Variants in C20orf202 observed in about 807,000 individuals in gnomAD.
C20orf202 encodes uncharacterized protein C20orf202.
C20orf202 carries 5 observed loss-of-function variants against 5.3 expected under a neutral mutation model. The ratio of observed to expected loss-of-function variants is 0.94; its 90% confidence interval spans 0.49 to 1.98. C20orf202 has a LOEUF of 1.98. Among genes scored for constraint, C20orf202 ranks in the 30% most tolerant of loss-of-function variants. C20orf202 has a pLI of 0.01. For synonymous variants in C20orf202, 48 were observed against 50.0 expected, an observed-to-expected ratio of 0.96 and a Z score of 0.16; for missense variants, 135 against 123.5, an observed-to-expected ratio of 1.09 and a Z score of -0.44.
chr20:1,203,535 C>G lies in C20orf202; in HGVS notation c.-51C>G. 2 of 1,549,452 alleles carry G rather than the reference C, an allele frequency of 1.3e-6. No homozygotes were observed. Among genetic ancestry groups the G allele is most frequent in the East Asian group, 4.9e-5 (2 of 40,844 alleles). ...TGGGGGAATGTACAAGTCAAAGATC[C>G]CTCGGGCCCAGAACCAGGTCAGTGT... On this transcript the variant is annotated 5_prime_UTR_variant, in exon 1 of 2. Transcript: ENST00000400633.
At chr20:1,206,135 A>G (rs1161470536) in intron 1 of C20orf202, among the ~76,000 whole-genome samples, 1 of 152,174 alleles carries the variant, frequency 6.6e-6, no homozygotes, top group Non-Finnish European at 1.5e-5. Context: ...AATGGGAGAA[A>G]GAATGGAGAT....
chr20:1,208,945 C>A lies in C20orf202; in HGVS notation c.*1843C>A, dbSNP rs1374159080. On this transcript the variant is annotated 3_prime_UTR_variant, in exon 2 of 2. Transcript: ENST00000400633. ...ATAGTTTCTGCCTCTTTTCTTTGTT[C>A]CCTCAGCCCTGGAGATGGCAGATGC... 6.6e-6 allele frequency among the ~76,000 whole-genome samples: 1 copy of A among 152,214 alleles called. No individual in the cohort carries two copies. The highest frequency in any genetic ancestry group is 1.5e-5 in the Non-Finnish European group (1 of 68,036).
intron 1 of C20orf202, among the ~76,000 whole-genome samples, chr20:1,205,945 C>T (rs146265087): frequency 6.6e-6 from 1 of 151,940 alleles, no homozygotes; most frequent in Non-Finnish European, 1.5e-5. Context: ...CCCAGCTACT[C>T]GGGAGGCTGA....
rs2087136114 is a variant in C20orf202 at position 1,207,155 on chromosome 20, C to T, written c.*53C>T. On this transcript the variant is annotated 3_prime_UTR_variant, in exon 2 of 2. Coordinates refer to ENST00000400633, the MANE Select transcript of C20orf202 (RefSeq NM_001394958.1). ...CACTCTCCCCATTAGTCTAACCTTT[C>T]ACTGTGATATTTCAGGGGCAGAGTG... is the stretch of plus-strand genomic sequence containing the variant. 1.5e-5 allele frequency: 18 copies of T among 1,230,088 alleles called. No homozygotes were observed. The highest frequency in any genetic ancestry group is 1.9e-5 in the Non-Finnish European group (17 of 912,968). 76.2% of individuals were successfully genotyped at this position (1,230,088 alleles called of 1,614,324 possible). A position where few individuals can be genotyped will look rare whatever the true frequency, so the allele number is the denominator to read the frequency against.
rs536475686 is a variant in C20orf202 at position 1,203,502 on chromosome 20, G to C, written c.-84G>C. The stretch of plus-strand genomic sequence containing the variant: ...TTTGGCCAGAACCTGCTGCCAGTCT[G>C]AAAGAGTTGGGGGAATGTACAAGTC... On this transcript the variant is annotated 5_prime_UTR_variant, in exon 1 of 2. Transcript: ENST00000400633. 1.6e-5 allele frequency: 24 copies of C among 1,535,512 alleles called. No homozygotes were observed. The Admixed American group carries it at 3.1e-4, about 20-fold the overall frequency.
At position 1,208,638 on chromosome 20, in the gene C20orf202, T is replaced by G. The variant is rs1016072024; in HGVS notation, c.*1536T>G. On this transcript the variant is annotated 3_prime_UTR_variant, in exon 2 of 2. Coordinates refer to ENST00000400633, the MANE Select transcript of C20orf202 (RefSeq NM_001394958.1). ...TGTTTCCCTGTGGGCTTCCTGTTCC[T>G]ATGAGCATCTCCCAGCAATGTTTCT... Among the ~76,000 whole-genome samples the G allele has an allele frequency of 6.6e-6, 1 of 152,224 alleles. No homozygotes were observed.
In C20orf202 at chr20:1,207,810, AG is replaced by A. The variant is rs778124147; in HGVS notation, c.*710del. On this transcript the variant is annotated 3_prime_UTR_variant, in exon 2 of 2. Coordinates refer to ENST00000400633, the MANE Select transcript of C20orf202 (RefSeq NM_001394958.1). ...GACCTGTCTGCAGTAGGAAGGAAAG[AG>A]GCTAATCTCCAAAGAGAAGTAGAGA... is the stretch of plus-strand genomic sequence containing the variant. 2.6e-5 allele frequency: 4 copies of A among 152,276 alleles called. No homozygotes were observed. Among genetic ancestry groups the A allele is most frequent in the Non-Finnish European group, 5.9e-5 (4 of 68,076 alleles). 9.4% of individuals were successfully genotyped at this position (152,276 alleles called of 1,614,324 possible).
intron 1 of C20orf202, among the ~76,000 whole-genome samples, chr20:1,205,766 G>A (rs1417485318): frequency 6.6e-6 from 1 of 152,142 alleles, no homozygotes; most frequent in Non-Finnish European, 1.5e-5. Flanking sequence ...CATGTGTTAA[G>A]AATTACTTAG....
rs769020106 is a variant in C20orf202 at position 1,207,128 on chromosome 20, A to T, written c.*26A>T. ...CTGGACGGAGATGACACTGGGCTTT[A>T]ACACTCTCCCCATTAGTCTAACCTT... is the stretch of plus-strand genomic sequence containing the variant. On this transcript the variant is annotated 3_prime_UTR_variant, in exon 2 of 2. Coordinates refer to ENST00000400633, the MANE Select transcript of C20orf202 (RefSeq NM_001394958.1). 2.4e-5 allele frequency: 33 copies of T among 1,391,546 alleles called. No individual in the cohort carries two copies. Among genetic ancestry groups the T allele is most frequent in the Non-Finnish European group, 3.0e-5 (31 of 1,037,252 alleles). 86.2% of individuals were successfully genotyped at this position (1,391,546 alleles called of 1,614,324 possible). A position where few individuals can be genotyped will look rare whatever the true frequency, so the allele number is the denominator to read the frequency against.
At position 1,203,627 on chromosome 20, in the gene C20orf202, C is replaced by T. The variant is rs2087119304; in HGVS notation, c.42C>T (p.Thr14=). The T allele has an allele frequency of 6.5e-7, 1 of 1,550,236 alleles. No individual in the cohort carries two copies. The highest frequency in any genetic ancestry group is 2.4e-5 in the East Asian group (1 of 40,906). ...AEEPSPSLGQ[T]LEWLRKELSE... is the part of the protein sequence containing the mutation. ...AGCCCAGCCCGAGTCTTGGGCAGACCTTGGAGTGGCTGAGAAAGGAGCTGG... is the reference window on the plus strand; with the variant it reads ...AGCCCAGCCCGAGTCTTGGGCAGACTTTGGAGTGGCTGAGAAAGGAGCTGG... Residue 14 remains threonine, a synonymous_variant, in exon 1 of 2, where the codon ACC becomes ACT. Transcript: ENST00000400633.
rs889046144 is a variant in C20orf202 at position 1,208,909 on chromosome 20, T to G, written c.*1807T>G. On this transcript the variant is annotated 3_prime_UTR_variant, in exon 2 of 2. Transcript: ENST00000400633. ...ACTCCAGGGAATTCCTCCTGTAAGT[T>G]TTAAAGTTTGATAGTTTCTGCCTCT... Among the ~76,000 whole-genome samples, 3 of 152,312 alleles carry G rather than the reference T, an allele frequency of 2.0e-5. No individual in the cohort carries two copies. The highest frequency in any genetic ancestry group is 4.4e-5 in the Non-Finnish European group (3 of 68,022).
Position 1,203,493 on chromosome 20 carries a change from T to A in C20orf202, c.-93T>A, listed in dbSNP as rs1170867823. ...CTTCAGTGATTTGGCCAGAACCTGC[T>A]GCCAGTCTGAAAGAGTTGGGGGAAT... On this transcript the variant is annotated 5_prime_UTR_variant, in exon 1 of 2. Coordinates refer to ENST00000400633, the MANE Select transcript of C20orf202 (RefSeq NM_001394958.1). 6.5e-7 allele frequency: 1 copy of A among 1,527,758 alleles called. No individual in the cohort carries two copies. The highest frequency in any genetic ancestry group is 8.8e-7 in the Non-Finnish European group (1 of 1,135,232). 94.6% of individuals were successfully genotyped at this position (1,527,758 alleles called of 1,614,324 possible).
rs1037957126 is a variant in C20orf202, at chr20:1,208,959, G to A, written c.*1857G>A. ...TTTTCTTTGTTCCCTCAGCCCTGGA[G>A]ATGGCAGATGCTTGCTGCAATTCCT... On this transcript the variant is annotated 3_prime_UTR_variant, in exon 2 of 2. Coordinates refer to ENST00000400633, the MANE Select transcript of C20orf202 (RefSeq NM_001394958.1). Among the ~76,000 whole-genome samples the A allele has an allele frequency of 6.6e-6, 1 of 152,198 alleles. No homozygotes were observed. Among genetic ancestry groups the A allele is most frequent in the African/African-American group, 2.4e-5 (1 of 41,446 alleles).
chr20:1,203,691 A>C (rs117390213), intron 1 of C20orf202, 40 bp downstream of exon 1: 17 of 1,519,756 alleles, frequency 1.1e-5, no homozygotes, highest in Non-Finnish European at 1.4e-5. Context: ...CCCCGACTAC[A>C]TATTTTCCAA....
chr20:1,205,054 G>C (rs1483746579), intron 1 of C20orf202, among the ~76,000 whole-genome samples: 1 of 151,648 alleles, frequency 6.6e-6, no homozygotes, highest in African/African-American at 2.4e-5. Context: ...TGCAGCCTGA[G>C]TCGTCCCAGT....
At position 1,203,549 on chromosome 20, in the gene C20orf202, C is replaced by A. The variant is rs1028974052; in HGVS notation, c.-37C>A. ...AGTCAAAGATCCCTCGGGCCCAGAA[C>A]CAGGTCAGTGTCAAGGTCACTCCTA... is the stretch of plus-strand genomic sequence containing the variant. On this transcript the variant is annotated 5_prime_UTR_variant, in exon 1 of 2. Transcript: ENST00000400633. 5 of 1,551,092 alleles carry A rather than the reference C, an allele frequency of 3.2e-6. No homozygotes were observed. The highest frequency in any genetic ancestry group is 3.5e-6 in the Non-Finnish European group (4 of 1,146,724).
intron 1 of C20orf202, among the ~76,000 whole-genome samples, chr20:1,206,295 A>G (rs2087131349): frequency 6.6e-6 from 1 of 152,228 alleles, no homozygotes; most frequent in African/African-American, 2.4e-5. Context: ...TAGAAGCCAA[A>G]GCTGAGACAT....
Position 1,208,748 on chromosome 20 carries a change from C to G in C20orf202, c.*1646C>G, listed in dbSNP as rs2087143584. Among the ~76,000 whole-genome samples the G allele has an allele frequency of 6.6e-6, 1 of 152,160 alleles. No individual in the cohort carries two copies. The highest frequency in any genetic ancestry group is 2.4e-5 in the African/African-American group (1 of 41,434). On this transcript the variant is annotated 3_prime_UTR_variant, in exon 2 of 2. Transcript: ENST00000400633. ...ACTCCTGGGGCCCCTTCCAGGAGCT[C>G]AGAGACATCAGCTTCAGATGCCAGT...
At chr20:1,203,679 T>C (rs1314061220) in intron 1 of C20orf202, 28 bp downstream of exon 1, 1 of 1,526,762 alleles carries the variant, frequency 6.5e-7, no homozygotes, top group East Asian at 2.5e-5. Flanking sequence ...TTTTCCTTGA[T>C]GCCCCGACTA....
Sources: allele counts gnomAD v4.1 joint callset (sites outside exome capture counted in the v4.1 genomes callset), GRCh38; gene constraint gnomAD v4.1.1; transcripts MANE v1.5; gene names NCBI Gene and HGNC (gene_info 2026-07-23, HGNC 2026-07-21).